Variants in MGMT observed in about 807,000 individuals in gnomAD.
MGMT encodes the protein methylated-DNA--protein-cysteine methyltransferase.
Under a neutral mutation model 15.9 loss-of-function variants are expected in MGMT, and 14 were observed. The ratio of observed to expected loss-of-function variants is 0.88; its 90% CI spans 0.58 to 1.37. The LOEUF is 1.37. MGMT is among the 40% of genes most tolerant of loss of function. The pLI is 0.00. For synonymous variants in MGMT, 130 were observed against 118.2 expected (o/e 1.10, Z -0.65); for missense variants, 282 against 268.1 (o/e 1.05, Z -0.36).
At chr10:129,578,954 A>G (rs1035557722) in intron 2 of MGMT, among the ~76,000 whole-genome samples, 1 of 152,016 alleles carries the variant, frequency 6.6e-6, no homozygotes, top group Non-Finnish European at 1.5e-5. Context: ...GACATCAGTC[A>G]TTTGTGCATT....
At position 129,533,601 on chromosome 10, in the gene MGMT, T is replaced by C. The variant is rs1216082165; in HGVS notation, c.-12-2640T>C. On this transcript the variant is annotated intron_variant, in intron 1 of 4. Transcript: ENST00000651593. The surrounding 1 kb of genome is among the most constrained non-coding windows in gnomAD (Gnocchi z 4.5). ...TTCTCACGTTGCCTCTAGAGCCCTG[T>C]TGTCTGACCAGTATCTTCTGTGAAC... Among the ~76,000 whole-genome samples, 1 of 152,180 alleles carries C rather than the reference T, an allele frequency of 6.6e-6. No homozygotes were observed. The highest frequency in any genetic ancestry group is 1.5e-5 in the Non-Finnish European group (1 of 68,024).
At chr10:129,644,752 C>G (rs1380751292) in intron 2 of MGMT, among the ~76,000 whole-genome samples, 1 of 152,222 alleles carries the variant, frequency 6.6e-6, no homozygotes, top group African/African-American at 2.4e-5. Flanking sequence ...ATTGGCCTTG[C>G]CCGGTGCTCC....
chr10:129,517,012 A>C (rs969885087), intron 1 of MGMT, among the ~76,000 whole-genome samples: 13 of 152,194 alleles, frequency 8.5e-5, no homozygotes, highest in Admixed American at 8.5e-4. Context: ...TGGGGCTCCA[A>C]TGGAAACAAA....
At chr10:129,506,302 C>A (rs929748871) in intron 1 of MGMT, among the ~76,000 whole-genome samples, 1 of 152,174 alleles carries the variant, frequency 6.6e-6, no homozygotes, top group African/African-American at 2.4e-5. Flanking sequence ...CCTGGCCCCA[C>A]CCCGGATTTC....
intron 1 of MGMT, among the ~76,000 whole-genome samples, chr10:129,529,983 C>T (rs1845913064): frequency 6.6e-6 from 1 of 152,178 alleles, no homozygotes; most frequent in African/African-American, 2.4e-5. Flanking sequence ...TCACTGCAGC[C>T]TCGACCTCCT....
chr10:129,491,839 T>TAA (rs1845471747), intron 1 of MGMT, among the ~76,000 whole-genome samples: 1 of 152,184 alleles, frequency 6.6e-6, no homozygotes. Flanking sequence ...TTCCCACTTA[T>TAA]GTTGTCTGTC....
chr10:129,636,242 G>A (rs1346521911), intron 2 of MGMT, among the ~76,000 whole-genome samples: 1 of 152,142 alleles, frequency 6.6e-6, no homozygotes, highest in Non-Finnish European at 1.5e-5. Context: ...ACTGACCTTG[G>A]TCTAGATCGT....
chr10:129,504,859 T>C (rs1285292079), intron 1 of MGMT, among the ~76,000 whole-genome samples: 1 of 152,122 alleles, frequency 6.6e-6, no homozygotes, highest in Non-Finnish European at 1.5e-5. Context: ...GGCAATTGAT[T>C]GTACTGTAGT....
At chr10:129,550,173 C>T (rs1418133503) in intron 2 of MGMT, among the ~76,000 whole-genome samples, 3 of 152,206 alleles carry the variant, frequency 2.0e-5, no homozygotes, top group African/African-American at 7.2e-5. Flanking sequence ...TAGTTGGTGC[C>T]ATCTGTGAGT....
intron 3 of MGMT, among the ~76,000 whole-genome samples, chr10:129,714,345 T>C (rs1409680669): frequency 6.6e-6 from 1 of 152,258 alleles, no homozygotes; most frequent in African/African-American, 2.4e-5. Flanking sequence ...TGCAGTTTCC[T>C]ACCTAGCAAT....
chr10:129,629,196 A>G (rs950188747), intron 2 of MGMT, among the ~76,000 whole-genome samples: 1 of 152,222 alleles, frequency 6.6e-6, no homozygotes, highest in African/African-American at 2.4e-5. Flanking sequence ...AAGATACTGT[A>G]AATAATTTGG....
At chr10:129,614,534 G>T (rs1198540260) in intron 2 of MGMT, among the ~76,000 whole-genome samples, 3 of 152,230 alleles carry the variant, frequency 2.0e-5, no homozygotes, top group African/African-American at 7.2e-5. Context: ...CTTCAGATCA[G>T]CGGCCTTGGA....
intron 2 of MGMT, among the ~76,000 whole-genome samples, chr10:129,655,882 A>C (rs1310959494): frequency 6.6e-6 from 1 of 152,152 alleles, no homozygotes; most frequent in African/African-American, 2.4e-5. Context: ...TAGAGCAGGC[A>C]CTGATTTTGC....
At chr10:129,693,526 T>C (rs192200729) in intron 2 of MGMT, among the ~76,000 whole-genome samples, 36 of 152,168 alleles carry the variant, frequency 2.4e-4, no homozygotes, top group African/African-American at 8.7e-4. Context: ...GTCCAGGCAG[T>C]AGGTGGAGGC....
intron 2 of MGMT, among the ~76,000 whole-genome samples, chr10:129,594,990 C>T (rs534597669): frequency 5.3e-5 from 8 of 152,318 alleles, no homozygotes; most frequent in Admixed American, 2.6e-4. Context: ...GCCGGAGCAG[C>T]GCCCCACGTC....
chr10:129,561,431 G>T (rs1846277616), intron 2 of MGMT, among the ~76,000 whole-genome samples: 1 of 152,144 alleles, frequency 6.6e-6, no homozygotes, highest in South Asian at 2.1e-4. Context: ...GTGCCTCTCT[G>T]TTCTTTGCCG....
At chr10:129,764,507 C>G (rs1196299254) in intron 4 of MGMT, among the ~76,000 whole-genome samples, 2 of 152,230 alleles carry the variant, frequency 1.3e-5, no homozygotes, top group Non-Finnish European at 2.9e-5. Flanking sequence ...CAGAGGTGCC[C>G]AAGAAATAGA....
chr10:129,673,745 A>C lies in MGMT; in HGVS notation c.126-34150A>C, dbSNP rs562425978. ...GGGAATTAAAAATTTAATGGGATGT[A>C]TGTATTTTTTGGATCATATGAAACT... is the stretch of plus-strand genomic sequence containing the variant. On this transcript the variant is annotated intron_variant, in intron 2 of 4. Transcript: ENST00000651593. Among the ~76,000 whole-genome samples, 135 of 152,272 alleles carry C rather than the reference A, an allele frequency of 8.9e-4. No individual in the cohort carries two copies. In the Middle Eastern group the frequency reaches 0.014, roughly 15 times the overall value.
chr10:129,488,042 T>G (rs985916046), intron 1 of MGMT, among the ~76,000 whole-genome samples: 1 of 115,230 alleles, frequency 8.7e-6, no homozygotes, highest in South Asian at 2.9e-4. Context: ...CACACACACA[T>G]GAATATACCT....
Sources: allele counts gnomAD v4.1 joint callset (sites outside exome capture counted in the v4.1 genomes callset), GRCh38; gene constraint gnomAD v4.1.1; non-coding constraint Gnocchi (gnomAD v3.1); transcripts MANE v1.5; gene names NCBI Gene and HGNC (gene_info 2026-07-23, HGNC 2026-07-21).